The following UBAC2 variants were observed in gnomAD, a reference collection of about 807,000 sequenced individuals.
UBAC2 encodes the protein ubiquitin-associated domain-containing protein 2.
In UBAC2, 26 loss-of-function variants were observed where a neutral mutation model predicts 44.0. That is an observed-to-expected ratio of 0.59 (90% CI 0.43 to 0.82). The LOEUF (loss-of-function observed/expected upper bound fraction) is 0.82. Among genes scored for constraint, UBAC2 ranks in the 40% least tolerant of loss-of-function variants. The probability of loss-of-function intolerance (pLI) is 0.00; values close to 1 mark genes in which losing one functional copy is unlikely to be tolerated. For missense variants in UBAC2, 329 were observed against 419.4 expected (o/e 0.78, Z 1.88); for synonymous variants, 155 against 154.3 (o/e 1.00, Z -0.04).
At chr13:99,314,370 A>G (rs2044459252) in intron 5 of UBAC2, 150 bp downstream of exon 5, 3 of 935,670 alleles carry the variant, frequency 3.2e-6, no homozygotes, top group Non-Finnish European at 4.6e-6. Context: ...GTTTAAAGGA[A>G]GTGTTACAGA....
rs900635550 is a variant in UBAC2, at chr13:99,200,897, C to T, written c.-12C>T. The T allele has an allele frequency of 1.5e-6, 2 of 1,302,202 alleles. No individual in the cohort carries two copies. Among genetic ancestry groups the T allele is most frequent in the Middle Eastern group, 2.0e-4 (1 of 4,912 alleles). The allele number at this position is 1,302,202 out of a possible 1,614,324, so 80.7% of individuals were successfully genotyped here. ...CCCCGGCGCCCTCTGGGGCTCCGAG[C>T]CCGGCGGGACCATGTTCACCAGCAC... On this transcript the variant is annotated 5_prime_UTR_variant, in exon 1 of 9. Coordinates refer to ENST00000403766, the MANE Select transcript of UBAC2 (RefSeq NM_001144072.2).
At chr13:99,206,889 C>T (rs2042879087) in intron 1 of UBAC2, among the ~76,000 whole-genome samples, 1 of 152,266 alleles carries the variant, frequency 6.6e-6, no homozygotes, top group African/African-American at 2.4e-5. Flanking sequence ...GCTCCTTCCG[C>T]TTCCTGCTCC....
intron 4 of UBAC2, among the ~76,000 whole-genome samples, chr13:99,276,449 G>T (rs1000724166): frequency 2.0e-5 from 3 of 152,156 alleles, no homozygotes; most frequent in Admixed American, 1.3e-4. Context: ...TACGTTTATT[G>T]GTTTATTATA....
chr13:99,278,260 G>A (rs916025614), intron 4 of UBAC2, among the ~76,000 whole-genome samples: 1 of 152,020 alleles, frequency 6.6e-6, no homozygotes, highest in Non-Finnish European at 1.5e-5. Context: ...TTTGGGCTAT[G>A]CTATTATTAA....
chr13:99,338,220 G>A (rs2044830135), intron 6 of UBAC2, among the ~76,000 whole-genome samples: 1 of 151,580 alleles, frequency 6.6e-6, no homozygotes, highest in Non-Finnish European at 1.5e-5. Flanking sequence ...ACCACGCCCG[G>A]CTAATTTTTG....
At chr13:99,241,426 G>A (rs185939245) in intron 2 of UBAC2, among the ~76,000 whole-genome samples, 2 of 152,264 alleles carry the variant, frequency 1.3e-5, no homozygotes, top group African/African-American at 4.8e-5. Flanking sequence ...CTATAAATGA[G>A]AATGAGATTG....
At chr13:99,277,046 A>C (rs1179321257) in intron 4 of UBAC2, among the ~76,000 whole-genome samples, 1 of 152,160 alleles carries the variant, frequency 6.6e-6, no homozygotes, top group Non-Finnish European at 1.5e-5. Context: ...TGGTTTTCTC[A>C]GGTTTGCCAA....
At chr13:99,284,872 A>G (rs375949865) in intron 4 of UBAC2, among the ~76,000 whole-genome samples, 1 of 152,194 alleles carries the variant, frequency 6.6e-6, no homozygotes, top group East Asian at 1.9e-4. Context: ...GATGAAAATA[A>G]TGTGTAGTTT....
chr13:99,361,942 G>C lies in UBAC2; in HGVS notation c.808-5845G>C, dbSNP rs144530244. ...GTCCGGGAGTTCAGGACTGCAGTGC[G>C]CCATGATTGTGCCTGTGAATAGCCA... On this transcript the variant is annotated intron_variant, in intron 7 of 8. Transcript: ENST00000403766. Among the ~76,000 whole-genome samples, 623 of 152,262 alleles carry C rather than the reference G, an allele frequency of 4.1e-3. 7 individuals are homozygous for C. The highest frequency in any genetic ancestry group is 0.014 in the African/African-American group (590 of 41,530).
Position 99,329,163 on chromosome 13 carries a change from C to T in UBAC2, c.561+11094C>T, listed in dbSNP as rs73568082. Among the ~76,000 whole-genome samples the T allele has an allele frequency of 3.3e-3, 503 of 152,286 alleles. 5 individuals are homozygous for T. Among genetic ancestry groups the T allele is most frequent in the African/African-American group, 0.012 (482 of 41,562 alleles). ...CCAGTTATCTATATGTCTGTCCTTA[C>T]GCCAATACCACACTGCACTGATGAC... On this transcript the variant is annotated intron_variant, in intron 6 of 8. Coordinates refer to ENST00000403766, the MANE Select transcript of UBAC2 (RefSeq NM_001144072.2).
chr13:99,367,925 C>G lies in UBAC2; in HGVS notation c.927+19C>G, dbSNP rs769060123. The G allele has an allele frequency of 5.6e-6, 9 of 1,605,316 alleles. No individual in the cohort carries two copies. Among genetic ancestry groups the G allele is most frequent in the Non-Finnish European group, 6.8e-6 (8 of 1,175,846 alleles). ...GGAACAGGTAATTAATCAGTAATAC[C>G]TGGTACTCATTCTAAATCCATGTTT... On this transcript the variant is annotated intron_variant, in intron 8 of 8. Transcript: ENST00000403766.
At chr13:99,261,248 GCAGA>G (rs1326420245) in intron 4 of UBAC2, among the ~76,000 whole-genome samples, 2 of 152,208 alleles carry the variant, frequency 1.3e-5, no homozygotes, top group African/African-American at 2.4e-5. Context: ...AGGGTGTGAG[GCAGA>G]CAAAGAGTCC....
chr13:99,315,176 T>C (rs1015911398), intron 5 of UBAC2, among the ~76,000 whole-genome samples: 1 of 152,160 alleles, frequency 6.6e-6, no homozygotes, highest in African/African-American at 2.4e-5. Context: ...TTATTCTCCA[T>C]CTCTCAACCC....
At chr13:99,201,932 GCGT>G (rs1392838229) in intron 1 of UBAC2, among the ~76,000 whole-genome samples, 1 of 152,054 alleles carries the variant, frequency 6.6e-6, no homozygotes, top group Non-Finnish European at 1.5e-5. Context: ...AATTAGCTGG[GCGT>G]GGTGGCGGGT....
chr13:99,347,672 C>T (rs1201512426), intron 7 of UBAC2, among the ~76,000 whole-genome samples: 1 of 151,638 alleles, frequency 6.6e-6, no homozygotes, highest in African/African-American at 2.4e-5. Flanking sequence ...GATCTCACTT[C>T]AACTGAGACA....
chr13:99,301,364 A>G (rs16956428), intron 4 of UBAC2, among the ~76,000 whole-genome samples: 1,769 of 152,284 alleles, frequency 0.012, 41 homozygotes, highest in African/African-American at 0.041. Flanking sequence ...TTTATTGGTA[A>G]ACAAAGGAGA....
chr13:99,205,774 C>G (rs2042863552), intron 1 of UBAC2: 2 of 165,912 alleles, frequency 1.2e-5, no homozygotes, highest in Non-Finnish European at 2.8e-5. Context: ...TTCGGCTGAT[C>G]TGGCTGGCTA....
At chr13:99,331,597 A>G (rs1350247518) in intron 6 of UBAC2, among the ~76,000 whole-genome samples, 4 of 152,252 alleles carry the variant, frequency 2.6e-5, no homozygotes, top group Non-Finnish European at 5.9e-5. Context: ...TTCAATCTGA[A>G]TCACTTTTGC....
chr13:99,356,570 G>T (rs893476442), intron 7 of UBAC2, among the ~76,000 whole-genome samples: 3 of 152,180 alleles, frequency 2.0e-5, no homozygotes, highest in Admixed American at 6.5e-5. Context: ...AAGTGAAACC[G>T]AGAGCTGCAA....
Sources: gnomAD v4.1 joint callset for allele counts (sites outside exome capture counted in the v4.1 genomes callset) on GRCh38, gnomAD v4.1.1 for gene constraint, MANE v1.5 for transcripts, NCBI Gene and HGNC (gene_info 2026-07-23, HGNC 2026-07-21) for gene names.